The following ENOX2 variants were observed in gnomAD, a reference collection of about 807,000 sequenced individuals.
ENOX2 encodes APK1 antigen.
Under a neutral mutation model 45.0 loss-of-function variants are expected in ENOX2, and 36 were observed. The ratio of observed to expected loss-of-function variants is 0.80; its 90% CI spans 0.61 to 1.06. ENOX2 has a LOEUF of 1.06. Ranked by LOEUF, ENOX2 falls within the 50% of genes least tolerant of loss-of-function variation. The probability of loss-of-function intolerance (pLI) is 0.00; values close to 1 mark genes in which losing one functional copy is unlikely to be tolerated. For synonymous variants in ENOX2, 174 were observed against 152.3 expected, an observed-to-expected ratio of 1.14 and a Z score of -1.05; for missense variants, 423 against 462.5, an observed-to-expected ratio of 0.91 and a Z score of 0.78.
At chrX:130,848,786 ACT>A (rs1162557075) in intron 2 of ENOX2, among the ~76,000 whole-genome samples, 3 of 111,532 alleles carry the variant, frequency 2.7e-5, no homozygotes, top group African/African-American at 6.5e-5. Context: ...ACAGAGTGAG[ACT>A]GTCAAAAACA....
At chrX:130,630,867 T>C (rs1177188964) in intron 13 of ENOX2, among the ~76,000 whole-genome samples, 2 of 110,759 alleles carry the variant, frequency 1.8e-5, no homozygotes, top group Non-Finnish European at 3.8e-5. Context: ...GGGTAGTGAG[T>C]GTGAGAACAG....
intron 13 of ENOX2, among the ~76,000 whole-genome samples, chrX:130,629,775 G>A (rs1338243085): frequency 8.9e-6 from 1 of 112,036 alleles, no homozygotes; most frequent in Non-Finnish European, 1.9e-5. Flanking sequence ...CAGCTTCCTA[G>A]ATGGCAGCTG....
chrX:130,869,033 C>T (rs1332494887), intron 2 of ENOX2, among the ~76,000 whole-genome samples: 2 of 111,705 alleles, frequency 1.8e-5, no homozygotes, highest in Non-Finnish European at 1.9e-5. Context: ...TAAGAGCATT[C>T]AGATTCAAAT....
intron 3 of ENOX2, among the ~76,000 whole-genome samples, chrX:130,770,232 C>G (rs930256851): frequency 2.7e-5 from 3 of 111,851 alleles, no homozygotes; most frequent in African/African-American, 9.7e-5. Context: ...GAAAACAGAC[C>G]AAGAGCTTTA....
intron 2 of ENOX2, among the ~76,000 whole-genome samples, chrX:130,802,399 G>A (rs759949824): frequency 2.7e-4 from 30 of 112,364 alleles, no homozygotes; most frequent in African/African-American, 9.4e-4. Flanking sequence ...AAGCAGCCGC[G>A]AAAGAAGAAA....
intron 2 of ENOX2, among the ~76,000 whole-genome samples, chrX:130,834,585 T>C (rs1165064154): frequency 9.0e-6 from 1 of 110,502 alleles, no homozygotes; most frequent in African/African-American, 3.3e-5. Context: ...CAAAGATGAT[T>C]TGAAAAAGAA....
At chrX:130,807,208 TA>T (rs1324799199) in intron 2 of ENOX2, among the ~76,000 whole-genome samples, 1 of 112,237 alleles carries the variant, frequency 8.9e-6, no homozygotes, top group Non-Finnish European at 1.9e-5. Flanking sequence ...AAGAATAAGA[TA>T]TTCAATGTCC....
At chrX:130,750,883 T>G (rs751757465) in intron 3 of ENOX2, among the ~76,000 whole-genome samples, 5 of 111,360 alleles carry the variant, frequency 4.5e-5, no homozygotes, top group Non-Finnish European at 9.4e-5. Flanking sequence ...CTTTTGACTC[T>G]ATTCGTACCT....
chrX:130,741,802 G>A (rs1436354144), intron 3 of ENOX2, among the ~76,000 whole-genome samples: 2 of 111,451 alleles, frequency 1.8e-5, no homozygotes, highest in African/African-American at 6.5e-5. Context: ...ATTAAAGGGG[G>A]AGAGACGGAG....
chrX:130,872,968 T>G (rs1386147532), intron 2 of ENOX2, among the ~76,000 whole-genome samples: 1 of 111,750 alleles, frequency 8.9e-6, no homozygotes, highest in Admixed American at 9.5e-5. Flanking sequence ...GGCAATACCA[T>G]TCAGGACATA....
intron 2 of ENOX2, among the ~76,000 whole-genome samples, chrX:130,858,869 C>T (rs2078360429): frequency 8.9e-6 from 1 of 112,027 alleles, no homozygotes; most frequent in South Asian, 3.7e-4. Context: ...AAATTTATAA[C>T]CCTCTAAACT....
intron 3 of ENOX2, among the ~76,000 whole-genome samples, chrX:130,711,141 A>T (rs1005760462): frequency 7.1e-5 from 8 of 112,084 alleles, no homozygotes; most frequent in African/African-American, 2.3e-4. Context: ...AAGGGAAAGG[A>T]AACAGTAGAA....
At chrX:130,777,436 G>A (rs1201704700) in intron 3 of ENOX2, among the ~76,000 whole-genome samples, 1 of 107,382 alleles carries the variant, frequency 9.3e-6, no homozygotes, top group Non-Finnish European at 1.9e-5. Flanking sequence ...TGGGAGGTGA[G>A]CTGTGATAGA....
chrX:130,861,506 C>T (rs1188678189), intron 2 of ENOX2, among the ~76,000 whole-genome samples: 1 of 111,535 alleles, frequency 9.0e-6, no homozygotes, highest in Admixed American at 9.5e-5. Flanking sequence ...AGCTAAGTGA[C>T]ATAATGAAAT....
intron 4 of ENOX2, among the ~76,000 whole-genome samples, chrX:130,700,532 C>T (rs1249630028): frequency 7.1e-5 from 8 of 112,074 alleles, no homozygotes; most frequent in East Asian, 5.6e-4. Flanking sequence ...ATGTGCAGAA[C>T]GCTCATTAGC....
intron 3 of ENOX2, among the ~76,000 whole-genome samples, chrX:130,726,445 C>T (rs1428064516): frequency 1.8e-5 from 2 of 112,369 alleles, no homozygotes; most frequent in Admixed American, 1.9e-4. Flanking sequence ...ACGCATACTG[C>T]TGCTTCCTGC....
intron 3 of ENOX2, among the ~76,000 whole-genome samples, chrX:130,707,850 T>A (rs140290003): frequency 7.2e-4 from 81 of 111,885 alleles, no homozygotes; most frequent in Non-Finnish European, 8.7e-4. Context: ...TGGACTAGAG[T>A]CTAACTCTAC....
At chrX:130,842,888 C>A (rs1476805243) in intron 2 of ENOX2, among the ~76,000 whole-genome samples, 1 of 110,913 alleles carries the variant, frequency 9.0e-6, no homozygotes, top group African/African-American at 3.3e-5. Flanking sequence ...CATGGATACA[C>A]CTCAAGAGGT....
At chrX:130,895,382 C>A (rs1012249306) in intron 2 of ENOX2, among the ~76,000 whole-genome samples, 1 of 111,791 alleles carries the variant, frequency 8.9e-6, no homozygotes, top group Non-Finnish European at 1.9e-5. Flanking sequence ...GTTTCTATCC[C>A]AGGAAACTCT....
Sources: gnomAD v4.1 joint callset for allele counts (sites outside exome capture counted in the v4.1 genomes callset) on GRCh38, gnomAD v4.1.1 for gene constraint, MANE v1.5 for transcripts, NCBI Gene and HGNC (gene_info 2026-07-23, HGNC 2026-07-21) for gene names.